HNF1B: variants seen among roughly 807,000 people sequenced by gnomAD.
The protein encoded by HNF1B is HNF1 homeobox B, also known as hepatocyte nuclear factor 1-beta.
A neutral mutation model predicts 61.7 loss-of-function variants in HNF1B; 8 were observed. The observed-to-expected ratio is 0.13, with a 90% CI of 0.08 to 0.23. HNF1B has a LOEUF of 0.23. Ranked by LOEUF, HNF1B falls within the 10% of genes least tolerant of loss-of-function variation. The pLI, the probability that HNF1B is intolerant of heterozygous loss-of-function variation, is 1.00. For missense variants in HNF1B, 562 were observed against 714.5 expected, an observed-to-expected ratio of 0.79 and a Z score of 2.43; for synonymous variants, 314 against 287.7, an observed-to-expected ratio of 1.09 and a Z score of -0.93.
intron 4 of HNF1B, among the ~76,000 whole-genome samples, chr17:37,714,635 G>A (rs1425095773): frequency 6.6e-6 from 1 of 152,226 alleles, no homozygotes; most frequent in Non-Finnish European, 1.5e-5. Context: ...CTGGTGAGTA[G>A]ATCATCTACT....
intron 4 of HNF1B, among the ~76,000 whole-genome samples, chr17:37,726,046 C>T (rs2033483937): frequency 6.6e-6 from 1 of 152,212 alleles, no homozygotes; most frequent in African/African-American, 2.4e-5. Flanking sequence ...GACTCTCACC[C>T]TTACCCCACC....
chr17:37,710,471 C>T (rs1042250266), intron 5 of HNF1B, 32 bp downstream of exon 5: 1 of 1,613,540 alleles, frequency 6.2e-7, no homozygotes, highest in African/African-American at 1.3e-5. Context: ...ATCTTATCAG[C>T]TCCAGAGCGA....
chr17:37,705,961 AT>A (rs1421194608), intron 5 of HNF1B, among the ~76,000 whole-genome samples: 1 of 151,960 alleles, frequency 6.6e-6, no homozygotes, highest in African/African-American at 2.4e-5. Context: ...TTTCAAAATA[AT>A]TTTTTTCTTT....
At chr17:37,729,434 C>CAAAAA (rs5820234) in intron 4 of HNF1B, 2 of 68,584 alleles carry the variant, frequency 2.9e-5, no homozygotes, top group African/African-American at 4.9e-5. Context: ...CCCTGTCTCT[C>CAAAAA]AAAAAAAAAA....
intron 1 of HNF1B, among the ~76,000 whole-genome samples, chr17:37,742,989 T>C (rs958110778): frequency 1.3e-5 from 2 of 152,134 alleles, no homozygotes; most frequent in Non-Finnish European, 2.9e-5. Flanking sequence ...TCACGGCTCT[T>C]TGTGTATCTT....
intron 8 of HNF1B, among the ~76,000 whole-genome samples, chr17:37,697,579 C>T (rs769531037): frequency 4.6e-5 from 7 of 152,216 alleles, no homozygotes; most frequent in Admixed American, 3.3e-4. Context: ...GCTGACCAAG[C>T]GGCAGATGGA....
intron 8 of HNF1B, among the ~76,000 whole-genome samples, chr17:37,697,953 G>C (rs992088982): frequency 1.3e-5 from 2 of 152,088 alleles, no homozygotes; most frequent in Non-Finnish European, 2.9e-5. Context: ...AGAAATGAAG[G>C]CTCAGGGAGG....
Position 37,687,313 on chromosome 17 carries a change from G to A in HNF1B, c.*59C>T, listed in dbSNP as rs764285484. ...CTTTTCCATGACAGCTGCCCAGAGG[G>A]TGATGGTGTGGAAAACAGGGTCCTT... On this transcript the variant is annotated 3_prime_UTR_variant, in exon 9 of 9. Transcript: ENST00000617811. The A allele has an allele frequency of 1.2e-6, 2 of 1,614,018 alleles. No homozygotes were observed. Among genetic ancestry groups the A allele is most frequent in the Admixed American group, 1.7e-5 (1 of 60,022 alleles).
chr17:37,698,697 C>T (rs1027330986), intron 8 of HNF1B, among the ~76,000 whole-genome samples: 1 of 152,172 alleles, frequency 6.6e-6, no homozygotes, highest in Non-Finnish European at 1.5e-5. Context: ...ATCCCTCTTG[C>T]AAAGCATGAA....
intron 4 of HNF1B, among the ~76,000 whole-genome samples, chr17:37,717,153 T>C (rs1362768535): frequency 6.6e-6 from 1 of 152,162 alleles, no homozygotes; most frequent in Non-Finnish European, 1.5e-5. Flanking sequence ...GATGTGGCTT[T>C]TGGCACTGAA....
chr17:37,717,983 A>C (rs970992972), intron 4 of HNF1B, among the ~76,000 whole-genome samples: 6 of 152,166 alleles, frequency 3.9e-5, no homozygotes, highest in African/African-American at 1.4e-4. Context: ...ATCCCTTTCT[A>C]CCTAACATGG....
At chr17:37,700,243 T>C (rs1029755945) in intron 7 of HNF1B, among the ~76,000 whole-genome samples, 1 of 152,204 alleles carries the variant, frequency 6.6e-6, no homozygotes, top group Non-Finnish European at 1.5e-5. Flanking sequence ...TCAGGGGCTA[T>C]AGCCAGACCT....
intron 4 of HNF1B, among the ~76,000 whole-genome samples, chr17:37,724,009 G>A (rs1300644016): frequency 1.3e-5 from 2 of 152,136 alleles, no homozygotes; most frequent in East Asian, 1.9e-4. Context: ...TCACTGTGCT[G>A]GCTGGATTTA....
At chr17:37,693,290 T>A (rs1260878912) in intron 8 of HNF1B, among the ~76,000 whole-genome samples, 1 of 152,058 alleles carries the variant, frequency 6.6e-6, no homozygotes, top group African/African-American at 2.4e-5. Flanking sequence ...GCTACCACTT[T>A]GAATACTTGA....
At chr17:37,708,744 G>A (rs1302199237) in intron 5 of HNF1B, among the ~76,000 whole-genome samples, 3 of 152,186 alleles carry the variant, frequency 2.0e-5, no homozygotes, top group African/African-American at 4.8e-5. Flanking sequence ...TTTCTTAAGG[G>A]ATAGGTGGGA....
chr17:37,743,545 G>C (rs527612401), intron 1 of HNF1B, among the ~76,000 whole-genome samples: 1 of 152,232 alleles, frequency 6.6e-6, no homozygotes, highest in African/African-American at 2.4e-5. Context: ...CGCTGCGGAC[G>C]TGCGGCCAAG....
chr17:37,706,328 A>C (rs537864421), intron 5 of HNF1B, among the ~76,000 whole-genome samples: 1 of 152,220 alleles, frequency 6.6e-6, no homozygotes, highest in East Asian at 1.9e-4. Flanking sequence ...GGCGTGCTTG[A>C]GAGCATCAGG....
At chr17:37,742,517 C>A (rs1405067681) in intron 1 of HNF1B, among the ~76,000 whole-genome samples, 1 of 152,164 alleles carries the variant, frequency 6.6e-6, no homozygotes, top group Non-Finnish European at 1.5e-5. Flanking sequence ...GAACCGCTAG[C>A]GATTTCTTGA....
intron 8 of HNF1B, among the ~76,000 whole-genome samples, chr17:37,697,843 G>A (rs1050993934): frequency 3.3e-5 from 5 of 152,136 alleles, no homozygotes; most frequent in African/African-American, 4.8e-5. Flanking sequence ...TGCCCTGGTC[G>A]TGTGTGTGTT....
Sources: allele counts gnomAD v4.1 joint callset (sites outside exome capture counted in the v4.1 genomes callset), GRCh38; gene constraint gnomAD v4.1.1; transcripts MANE v1.5; gene names NCBI Gene and HGNC (gene_info 2026-07-23, HGNC 2026-07-21).